Variants in RGS7 observed in about 807,000 individuals in gnomAD.
RGS7 encodes the protein regulator of G protein signaling 7, also known as regulator of G-protein signaling 7.
Under a neutral mutation model 81.1 loss-of-function variants are expected in RGS7, and 27 were observed. The observed-to-expected ratio is 0.33, with a 90% CI of 0.25 to 0.46. The LOEUF (loss-of-function observed/expected upper bound fraction) is 0.46, where lower values mean the gene tolerates loss of function less well. Ranked by LOEUF, RGS7 falls within the 20% of genes least tolerant of loss-of-function variation. The probability of loss-of-function intolerance (pLI) is 1.00; values close to 1 mark genes in which losing one functional copy is unlikely to be tolerated. For missense variants in RGS7, 396 were observed against 607.4 expected (o/e 0.65, Z 3.66); for synonymous variants, 208 against 207.7 (o/e 1.00, Z -0.01).
chr1:241,075,934 G>C (rs1039592243), intron 3 of RGS7, among the ~76,000 whole-genome samples: 3 of 152,194 alleles, frequency 2.0e-5, no homozygotes, highest in Non-Finnish European at 2.9e-5. Context: ...TAAACTGTCA[G>C]TACAACTCCT....
intron 2 of RGS7, among the ~76,000 whole-genome samples, chr1:241,206,399 ATT>A (rs1374195885): frequency 6.6e-6 from 1 of 151,444 alleles, no homozygotes; most frequent in Non-Finnish European, 1.5e-5. Context: ...TAATTTTTGT[ATT>A]TTTAGTAAAG....
At chr1:240,906,625 T>C (rs1670862137) in intron 6 of RGS7, among the ~76,000 whole-genome samples, 1 of 152,228 alleles carries the variant, frequency 6.6e-6, no homozygotes, top group Non-Finnish European at 1.5e-5. Flanking sequence ...AATAGCACAG[T>C]GATCTACTAG....
intron 3 of RGS7, among the ~76,000 whole-genome samples, chr1:240,991,283 GTC>G (rs1224461490): frequency 6.6e-6 from 1 of 152,136 alleles, no homozygotes. Context: ...CAGGCATTTT[GTC>G]TCTCTTCAAA....
At chr1:241,295,067 A>G (rs2079320836) in intron 2 of RGS7, among the ~76,000 whole-genome samples, 1 of 152,234 alleles carries the variant, frequency 6.6e-6, no homozygotes, top group Admixed American at 6.5e-5. Flanking sequence ...TAAGAATTTT[A>G]GTTCCTTCCT....
intron 6 of RGS7, among the ~76,000 whole-genome samples, chr1:240,910,907 A>T (rs1172476233): frequency 6.6e-6 from 1 of 151,908 alleles, no homozygotes; most frequent in Admixed American, 6.6e-5. Flanking sequence ...TTTAGTAGAG[A>T]TGGGGTTTCT....
chr1:240,894,160 T>C (rs1420883673), intron 6 of RGS7, among the ~76,000 whole-genome samples: 3 of 152,210 alleles, frequency 2.0e-5, no homozygotes, highest in Non-Finnish European at 4.4e-5. Context: ...TTATACAATT[T>C]TGGAGATAGG....
intron 3 of RGS7, among the ~76,000 whole-genome samples, chr1:241,067,427 G>C (rs2062128960): frequency 6.7e-6 from 1 of 149,166 alleles, no homozygotes; most frequent in Admixed American, 6.7e-5. Flanking sequence ...GGGCTAGTAT[G>C]AAGACCACCG....
intron 2 of RGS7, among the ~76,000 whole-genome samples, chr1:241,302,939 C>T (rs1187766001): frequency 2.0e-5 from 3 of 151,808 alleles, no homozygotes; most frequent in Non-Finnish European, 4.4e-5. Context: ...GTTAAATCAG[C>T]TCATACCTGC....
chr1:241,231,134 C>T (rs1332924182), intron 2 of RGS7, among the ~76,000 whole-genome samples: 1 of 152,080 alleles, frequency 6.6e-6, no homozygotes, highest in African/African-American at 2.4e-5. Context: ...GAAATGACTT[C>T]TAGTTGATTA....
chr1:241,140,239 T>A (rs1355353483), intron 2 of RGS7, among the ~76,000 whole-genome samples: 2 of 152,130 alleles, frequency 1.3e-5, no homozygotes, highest in Non-Finnish European at 2.9e-5. Flanking sequence ...GCCTAGTTTT[T>A]AATTCTGGCC....
chr1:240,777,493 A>C (rs1683171323), intron 18 of RGS7, among the ~76,000 whole-genome samples: 1 of 152,200 alleles, frequency 6.6e-6, no homozygotes, highest in Non-Finnish European at 1.5e-5. Flanking sequence ...TTGATTTGCT[A>C]CCTAATGTGG....
At chr1:241,193,629 C>T (rs1032352992) in intron 2 of RGS7, among the ~76,000 whole-genome samples, 15 of 152,154 alleles carry the variant, frequency 9.9e-5, no homozygotes, top group Admixed American at 2.6e-4. Flanking sequence ...CATGCTTCTC[C>T]GGAAGGATCT....
Position 241,168,628 on chromosome 1 carries a change from C to T in RGS7, c.79-69866G>A, listed in dbSNP as rs534283068. Among the ~76,000 whole-genome samples the T allele has an allele frequency of 8.0e-4, 121 of 152,132 alleles. 1 individual carries two copies. The South Asian group carries it at 0.023, about 28-fold the overall frequency. On this transcript the variant is annotated intron_variant, in intron 2 of 18. Transcript: ENST00000440928. The stretch of plus-strand genomic sequence containing the variant: ...GTTGGGGGATTTTGCAGATTTTGTT[C>T]GAGCCCCTATAGAGTTAATAAAAAG...
chr1:240,855,770 T>A (rs1327065439), intron 9 of RGS7, among the ~76,000 whole-genome samples: 4 of 152,202 alleles, frequency 2.6e-5, no homozygotes, highest in African/African-American at 4.8e-5. Context: ...TTTTAATTCA[T>A]ATTGTCAAAT....
In RGS7 at chr1:241,164,615, G is replaced by A. The variant is rs1044063173; in HGVS notation, c.79-65853C>T. 5.9e-5 allele frequency among the ~76,000 whole-genome samples: 9 copies of A among 152,132 alleles called. No homozygotes were observed. Among genetic ancestry groups the A allele is most frequent in the African/African-American group, 2.2e-4 (9 of 41,430 alleles). On this transcript the variant is annotated intron_variant, in intron 2 of 18. Coordinates refer to ENST00000440928, the MANE Select transcript of RGS7 (RefSeq NM_001364886.1). The surrounding 1 kb of genome is among the most constrained non-coding windows in gnomAD (Gnocchi z 4.1). ...GACCAAACTAGATAGGCCAGGTCTG[G>A]CAGACTGTTGCTAGCTTTACCTCAT...
At chr1:240,902,323 G>C (rs1444386790) in intron 6 of RGS7, among the ~76,000 whole-genome samples, 1 of 152,154 alleles carries the variant, frequency 6.6e-6, no homozygotes, top group Non-Finnish European at 1.5e-5. Flanking sequence ...GCTGTGAAGA[G>C]CTAATCTCAT....
chr1:241,209,653 T>C (rs987690763), intron 2 of RGS7, among the ~76,000 whole-genome samples: 2 of 151,904 alleles, frequency 1.3e-5, no homozygotes, highest in South Asian at 2.1e-4. Flanking sequence ...CTGGGCAACA[T>C]AGCAAAACCA....
chr1:241,329,195 T>C (rs2081810060), intron 2 of RGS7, among the ~76,000 whole-genome samples: 1 of 152,244 alleles, frequency 6.6e-6, no homozygotes, highest in African/African-American at 2.4e-5. Context: ...TTGACTGAAC[T>C]TGTATCCACA....
At chr1:241,148,051 C>CTTTTT (rs58632066) in intron 2 of RGS7, among the ~76,000 whole-genome samples, 7 of 108,488 alleles carry the variant, frequency 6.5e-5, no homozygotes, top group Admixed American at 1.1e-4. Flanking sequence ...TTTTCTTTTT[C>CTTTTT]TTTTTTTTTT....
Sources: gnomAD v4.1 joint callset for allele counts (sites outside exome capture counted in the v4.1 genomes callset) on GRCh38, gnomAD v4.1.1 for gene constraint, Gnocchi (gnomAD v3.1) non-coding constraint, MANE v1.5 for transcripts, NCBI Gene and HGNC (gene_info 2026-07-23, HGNC 2026-07-21) for gene names.